Variants in SLC9B2 observed in about 807,000 individuals in gnomAD.
The protein encoded by SLC9B2 is solute carrier family 9 member B2.
SLC9B2 carries 39 observed loss-of-function variants against 52.2 expected under a neutral mutation model. The ratio of observed to expected loss-of-function variants is 0.75; its 90% CI spans 0.58 to 0.98. The LOEUF (loss-of-function observed/expected upper bound fraction) is 0.98. Ranked by LOEUF, SLC9B2 falls within the 50% of genes least tolerant of loss-of-function variation. The pLI is 0.00. For missense variants in SLC9B2, 626 were observed against 637.5 expected, an observed-to-expected ratio of 0.98 and a Z score of 0.19; for synonymous variants, 214 against 227.0, an observed-to-expected ratio of 0.94 and a Z score of 0.51.
chr4:103,076,993 T>G (rs926583055), upstream of SLC9B2: 1 of 152,270 alleles, frequency 6.6e-6, no homozygotes, highest in Admixed American at 6.5e-5. Flanking sequence ...TCTGCCCCCC[T>G]TTATCGCTTA....
At position 103,043,275 on chromosome 4, in the gene SLC9B2, AAAACTT is replaced by A. The variant is rs774430953; in HGVS notation, c.1146+15_1146+20del. ...TCATTAGAAAAGAGTCATGAGCAGAAAAACTTAAAATGAAATTCACCTTTTCGCTGG... is the reference window on the plus strand; with the variant it reads ...TCATTAGAAAAGAGTCATGAGCAGAAAAAATGAAATTCACCTTTTCGCTGG... On this transcript the variant is annotated intron_variant, in intron 9 of 11. Coordinates refer to ENST00000394785, the MANE Select transcript of SLC9B2 (RefSeq NM_178833.7). The A allele has an allele frequency of 1.6e-5, 25 of 1,589,556 alleles. No homozygotes were observed. Among genetic ancestry groups the A allele is most frequent in the Admixed American group, 1.9e-5 (1 of 53,202 alleles).
intron 10 of SLC9B2, 120 bp downstream of exon 10, chr4:103,031,580 G>A: frequency 3.3e-6 from 2 of 612,080 alleles, no homozygotes; most frequent in South Asian, 5.9e-5. Context: ...TGTGACAATA[G>A]TAACCACTGT....
At chr4:103,067,001 A>T (rs1344059722) in intron 2 of SLC9B2, among the ~76,000 whole-genome samples, 1 of 152,102 alleles carries the variant, frequency 6.6e-6, no homozygotes, top group Non-Finnish European at 1.5e-5. Context: ...AAAAAAAAAA[A>T]AATCCAAGAC....
At chr4:103,048,812 A>G (rs2110616583) in intron 6 of SLC9B2, 81 bp downstream of exon 6, 7 of 1,474,374 alleles carry the variant, frequency 4.7e-6, no homozygotes, top group Non-Finnish European at 6.4e-6. Flanking sequence ...AGAAAATTCT[A>G]TTATGCATTC....
intron 7 of SLC9B2, among the ~76,000 whole-genome samples, chr4:103,045,784 G>A (rs1327895122): frequency 6.6e-6 from 1 of 152,040 alleles, no homozygotes; most frequent in Non-Finnish European, 1.5e-5. Context: ...AGCTGCACTG[G>A]TTTCCACTCC....
chr4:103,019,384 A>G (rs1741618140), downstream of SLC9B2, among the ~76,000 whole-genome samples: 1 of 152,180 alleles, frequency 6.6e-6, no homozygotes. Flanking sequence ...CAAACAAGAG[A>G]GATGTGGGAT....
intron 2 of SLC9B2, 64 bp downstream of exon 2, chr4:103,067,397 G>T: frequency 2.8e-6 from 4 of 1,439,378 alleles, no homozygotes; most frequent in Non-Finnish European, 3.9e-6. Context: ...TTTGGGGATA[G>T]GAGAATTGGT....
In SLC9B2 at chr4:103,043,186, G is replaced by A. The variant is rs1210163000; in HGVS notation, c.1146+110C>T. The A allele has an allele frequency of 4.2e-6, 5 of 1,204,728 alleles. No individual in the cohort carries two copies. The East Asian group carries it at 7.8e-5, about 19-fold the overall frequency. 74.6% of individuals were successfully genotyped at this position (1,204,728 alleles called of 1,614,324 possible). A position where few individuals can be genotyped will look rare whatever the true frequency, so the allele number is the denominator to read the frequency against. ...ACATTTGTATATGCACATTAAGATA[G>A]CTTTTATAATGAAATACTTTATTAA... On this transcript the variant is annotated intron_variant, in intron 9 of 11. Transcript: ENST00000394785.
chr4:103,046,321 T>C (rs1301940040), intron 7 of SLC9B2, among the ~76,000 whole-genome samples: 1 of 152,252 alleles, frequency 6.6e-6, no homozygotes, highest in Non-Finnish European at 1.5e-5. Context: ...CTTAAACTTG[T>C]GCTGTACCAC....
At chr4:103,041,326 ATAGT>A (rs1743620844) in intron 9 of SLC9B2, among the ~76,000 whole-genome samples, 2 of 152,210 alleles carry the variant, frequency 1.3e-5, no homozygotes, top group African/African-American at 4.8e-5. Flanking sequence ...AAAAATGTTA[ATAGT>A]TATCTTTCTG....
intron 7 of SLC9B2, 22 bp downstream of exon 7, chr4:103,047,029 T>C: frequency 6.2e-7 from 1 of 1,605,298 alleles, no homozygotes; most frequent in Non-Finnish European, 8.5e-7. Flanking sequence ...GAGTAAAGCC[T>C]GTTGTGAACT....
At chr4:103,050,172 C>A in intron 5 of SLC9B2, 68 bp downstream of exon 5, 1 of 1,360,458 alleles carries the variant, frequency 7.4e-7, no homozygotes, top group Non-Finnish European at 9.8e-7. Context: ...CTTAGTGATT[C>A]TGTTAGATAC....
chr4:103,047,328 C>A, intron 6 of SLC9B2, 102 bp from the exon 7 acceptor site: 1 of 941,654 alleles, frequency 1.1e-6, no homozygotes, highest in Non-Finnish European at 1.5e-6. Flanking sequence ...TGGACAACAA[C>A]AGTCTTTCTT....
At chr4:103,062,569 C>T (rs1202311916) in intron 3 of SLC9B2, among the ~76,000 whole-genome samples, 1 of 152,108 alleles carries the variant, frequency 6.6e-6, no homozygotes, top group African/African-American at 2.4e-5. Flanking sequence ...TAACAATTTA[C>T]TTCTCATTTA....
In SLC9B2 at chr4:103,076,448, G is replaced by A. The variant is rs912755084; in HGVS notation, c.-307C>T. ...ACCCGTCGGCGCCGGTACAGGCTCC[G>A]GAGTAAGCATGGGTTGGTCCGGGGC... is the stretch of plus-strand genomic sequence containing the variant. On this transcript the variant is annotated 5_prime_UTR_variant, in exon 1 of 12. Transcript: ENST00000394785. 2 of 152,264 alleles carry A rather than the reference G, an allele frequency of 1.3e-5. No individual in the cohort carries two copies. The highest frequency in any genetic ancestry group is 2.9e-5 in the Non-Finnish European group (2 of 68,064). The allele number at this position is 152,264 out of a possible 1,614,324, so 9.4% of individuals were successfully genotyped here. A position where few individuals can be genotyped will look rare whatever the true frequency, so the allele number is the denominator to read the frequency against.
At position 103,030,044 on chromosome 4, in the gene SLC9B2, G is replaced by A. The variant is rs116593567; in HGVS notation, c.1256-1161C>T. On this transcript the variant is annotated intron_variant, in intron 10 of 11. Transcript: ENST00000394785. ...TATTCAAAAATATCTGTAGCCTGAA[G>A]TACAAGATAAAGAGTTGATATCATT... 5.1e-3 allele frequency among the ~76,000 whole-genome samples: 783 copies of A among 152,214 alleles called. 8 individuals are homozygous for A. Among genetic ancestry groups the A allele is most frequent in the African/African-American group, 0.018 (744 of 41,540 alleles).
chr4:103,047,717 C>T (rs1157073614), intron 6 of SLC9B2, among the ~76,000 whole-genome samples: 2 of 152,114 alleles, frequency 1.3e-5, no homozygotes, highest in African/African-American at 4.8e-5. Flanking sequence ...CTACAGAGGA[C>T]ATGAACTCAT....
intron 5 of SLC9B2, among the ~76,000 whole-genome samples, chr4:103,050,034 A>AAATG (rs1744526561): frequency 6.6e-6 from 1 of 151,976 alleles, no homozygotes; most frequent in Admixed American, 6.6e-5. Flanking sequence ...AAAAGGAAGA[A>AAATG]AATGAGACCA....
intron 4 of SLC9B2, among the ~76,000 whole-genome samples, chr4:103,050,707 C>T (rs145983692): frequency 6.6e-6 from 1 of 152,328 alleles, no homozygotes; most frequent in East Asian, 1.9e-4. Flanking sequence ...CAGCCCTTTG[C>T]GTGCAAACAG....
Sources: allele counts gnomAD v4.1 joint callset (sites outside exome capture counted in the v4.1 genomes callset), GRCh38; gene constraint gnomAD v4.1.1; transcripts MANE v1.5; gene names NCBI Gene and HGNC (gene_info 2026-07-23, HGNC 2026-07-21).